Variants in DOCK10 observed in about 807,000 individuals in gnomAD.
DOCK10 encodes the protein dedicator of cytokinesis 10.
In DOCK10, 145 loss-of-function variants were observed where a neutral mutation model predicts 280.1. The observed-to-expected ratio is 0.52, with a 90% CI of 0.45 to 0.59. The LOEUF (loss-of-function observed/expected upper bound fraction) is 0.59. DOCK10 is among the 20% of genes least tolerant of loss of function. The probability of loss-of-function intolerance (pLI) is 0.00; values close to 1 mark genes in which losing one functional copy is unlikely to be tolerated. For synonymous variants in DOCK10, 915 were observed against 942.2 expected (o/e 0.97, Z 0.53); for missense variants, 2,368 against 2,651.7 (o/e 0.89, Z 2.35).
At chr2:224,913,608 A>G (rs930338946) in intron 3 of DOCK10, among the ~76,000 whole-genome samples, 1 of 152,212 alleles carries the variant, frequency 6.6e-6, no homozygotes, top group Non-Finnish European at 1.5e-5. Flanking sequence ...TTTGTCATAT[A>G]CAAATTTTAA....
At chr2:224,840,218 AC>A (rs1170814400) in intron 23 of DOCK10, 146 bp from the exon 24 acceptor site, 14 of 523,482 alleles carry the variant, frequency 2.7e-5, no homozygotes, top group Non-Finnish European at 3.4e-5. Context: ...TTTGGATATG[AC>A]CCTCAAAGCT....
chr2:224,902,899 C>T lies in DOCK10; in HGVS notation c.334-6522G>A, dbSNP rs979258937. On this transcript the variant is annotated intron_variant, in intron 3 of 55. Transcript: ENST00000258390. ...ATGAGGTCAGGAGACCGAGACCATCCTGGCTAACACAGTGAAACCCCGTCT... is the reference window on the plus strand; with the variant it reads ...ATGAGGTCAGGAGACCGAGACCATCTTGGCTAACACAGTGAAACCCCGTCT... 1.8e-4 allele frequency among the ~76,000 whole-genome samples: 28 copies of T among 152,136 alleles called. No individual in the cohort carries two copies. The East Asian group carries it at 4.3e-3, about 23-fold the overall frequency.
chr2:224,928,537 G>C (rs959307218), intron 2 of DOCK10, among the ~76,000 whole-genome samples: 2 of 152,280 alleles, frequency 1.3e-5, no homozygotes, highest in South Asian at 2.1e-4. Flanking sequence ...GTCACCCATG[G>C]GCGACAGTTT....
intron 27 of DOCK10, 96 bp downstream of exon 27, chr2:224,830,445 G>T: frequency 1.5e-6 from 1 of 657,560 alleles, no homozygotes; most frequent in South Asian, 4.3e-5. Flanking sequence ...GGTTTATAAA[G>T]CAAATAAAAA....
chr2:224,876,680 CTTG>C lies in DOCK10; in HGVS notation c.748-462_748-460del, dbSNP rs1432292947. Among the ~76,000 whole-genome samples, 7 of 152,264 alleles carry C rather than the reference CTTG, an allele frequency of 4.6e-5. No individual in the cohort carries two copies. In the East Asian group the frequency reaches 1.4e-3, roughly 29 times the overall value. On this transcript the variant is annotated intron_variant, in intron 7 of 55. Transcript: ENST00000258390. ...GGACTATTTCTTTCTTCGTATCTTCCTTGTCCTTGCAGCAGAATTAACACAATG... is the reference window on the plus strand; with the variant it reads ...GGACTATTTCTTTCTTCGTATCTTCCTCCTTGCAGCAGAATTAACACAATG...
At chr2:224,766,165 T>G (rs1690068669) in intron 55 of DOCK10, among the ~76,000 whole-genome samples, 2 of 152,142 alleles carry the variant, frequency 1.3e-5, no homozygotes, top group Admixed American at 6.5e-5. Flanking sequence ...ATTGTCAGCA[T>G]CTGCCAAAAA....
chr2:225,040,915 G>A (rs561730197), intron 1 of DOCK10, among the ~76,000 whole-genome samples: 54 of 152,294 alleles, frequency 3.5e-4, no homozygotes, highest in African/African-American at 1.1e-3. Flanking sequence ...GCTGATAGCA[G>A]TACCACATGC....
intron 11 of DOCK10, among the ~76,000 whole-genome samples, chr2:224,866,646 T>C (rs1197455613): frequency 1.3e-5 from 2 of 152,204 alleles, no homozygotes; most frequent in Non-Finnish European, 2.9e-5. Flanking sequence ...CATCATTCTT[T>C]CTACACGTAT....
intron 3 of DOCK10, 43 bp from the exon 4 acceptor site, chr2:224,896,420 A>C (rs1389130733): frequency 7.5e-7 from 1 of 1,326,858 alleles, no homozygotes; most frequent in Non-Finnish European, 1.0e-6. Flanking sequence ...AAAAATTATC[A>C]TTAAAAGGCT....
rs372746791 is a variant in DOCK10 at position 224,797,914 on chromosome 2, G to A, written c.4562C>T (p.Thr1521Ile). 2 of 1,613,688 alleles carry A rather than the reference G, an allele frequency of 1.2e-6. No homozygotes were observed. Among genetic ancestry groups the A allele is most frequent in the Non-Finnish European group, 1.7e-6 (2 of 1,179,772 alleles). The change falls in exon 42 of 56, where the codon ACC becomes ATC. Residue 1521 changes from threonine to isoleucine, a missense_variant. By Grantham distance (89) the Thr-to-Ile change is moderately conservative. Coordinates refer to ENST00000258390, the MANE Select transcript of DOCK10 (RefSeq NM_014689.3). ...ATTGACTTGGAAAAAGAGCATGTAGGTATCAAAGACCCTTTTCATCAATGA... is the reference window on the plus strand; with the variant it reads ...ATTGACTTGGAAAAAGAGCATGTAGATATCAAAGACCCTTTTCATCAATGA... ...QNSLMKRVFD[T>I]YMLFFQVNQS...
intron 1 of DOCK10, among the ~76,000 whole-genome samples, chr2:224,978,102 G>A (rs922158739): frequency 6.6e-6 from 1 of 152,098 alleles, no homozygotes; most frequent in African/African-American, 2.4e-5. Flanking sequence ...ATTTAGCTTC[G>A]ATGTAAAAGG....
chr2:224,823,350 G>A (rs1276705219), intron 28 of DOCK10, 151 bp downstream of exon 28: 3 of 616,426 alleles, frequency 4.9e-6, no homozygotes, highest in Non-Finnish European at 7.5e-6. Flanking sequence ...AGTATTTCAA[G>A]CAATAAAGAT....
At position 224,982,243 on chromosome 2, in the gene DOCK10, G is replaced by A. The variant is rs571769387; in HGVS notation, c.124-50575C>T. On this transcript the variant is annotated intron_variant, in intron 1 of 55. Transcript: ENST00000258390. The stretch of plus-strand genomic sequence containing the variant: ...GGGTTCTGGGTCTATTCATTTCATC[G>A]TCACTTTCCAGAGGCAAAATTTCGT... The A allele has an allele frequency of 1.7e-5, 21 of 1,231,862 alleles. No individual in the cohort carries two copies. In the South Asian group the frequency reaches 7.8e-4, roughly 46 times the overall value. The allele number at this position is 1,231,862 out of a possible 1,614,324, so 76.3% of individuals were successfully genotyped here.
chr2:224,925,802 A>G (rs1253927324), intron 2 of DOCK10, among the ~76,000 whole-genome samples: 1 of 152,222 alleles, frequency 6.6e-6, no homozygotes, highest in Non-Finnish European at 1.5e-5. Context: ...TCTTTTGCTC[A>G]GGAAGAAACT....
chr2:224,775,881 G>A (rs1690819866), intron 51 of DOCK10, among the ~76,000 whole-genome samples: 1 of 152,214 alleles, frequency 6.6e-6, no homozygotes, highest in Non-Finnish European at 1.5e-5. Context: ...CACTGGCTTT[G>A]GGCTTGTGCC....
At position 224,917,101 on chromosome 2, in the gene DOCK10, C is replaced by CTTTTTTTTTTTTTTT. The variant is rs58223345; in HGVS notation, c.244-332_244-318dup. Among the ~76,000 whole-genome samples the CTTTTTTTTTTTTTTT allele has an allele frequency of 1.2e-3, 115 of 95,768 alleles. 16 individuals are homozygous for CTTTTTTTTTTTTTTT. The highest frequency in any genetic ancestry group is 1.6e-3 in the South Asian group (4 of 2,444). 62.8% of individuals were successfully genotyped at this position (95,768 alleles called of 152,430 possible). On this transcript the variant is annotated intron_variant, in intron 2 of 55. Coordinates refer to ENST00000258390, the MANE Select transcript of DOCK10 (RefSeq NM_014689.3). ...CAATTTAGCTGATTTCTATTGGAATCTTTTTTTTTTTTTTTTTTTTTTGAG... is the reference window on the plus strand; with the variant it reads ...CAATTTAGCTGATTTCTATTGGAATCTTTTTTTTTTTTTTTTTTTTTTTTTTTTTTTTTTTTTGAG...
chr2:224,798,634 C>CTT lies in DOCK10; in HGVS notation c.4507-667_4507-666dup, dbSNP rs202006772. On this transcript the variant is annotated intron_variant, in intron 41 of 55. Coordinates refer to ENST00000258390, the MANE Select transcript of DOCK10 (RefSeq NM_014689.3). Reference sequence around the variant, plus strand: ...AGAATCCAAGTTTTCCTGGCTCAATCTTTTTTTTTTTTTTTGAGACAAGGT... The same window carrying CTT: ...AGAATCCAAGTTTTCCTGGCTCAATCTTTTTTTTTTTTTTTTTGAGACAAGGT... Among the ~76,000 whole-genome samples, 260 of 142,402 alleles carry CTT rather than the reference C, an allele frequency of 1.8e-3. 1 individual carries two copies. Among genetic ancestry groups the CTT allele is most frequent in the African/African-American group, 5.2e-3 (200 of 38,694 alleles). The allele number at this position is 142,402 out of a possible 152,430, so 93.4% of individuals were successfully genotyped here. A position where few individuals can be genotyped will look rare whatever the true frequency, so the allele number is the denominator to read the frequency against.
intron 14 of DOCK10, chr2:224,862,030 C>G (rs1465214079): frequency 6.6e-6 from 1 of 152,254 alleles, no homozygotes; most frequent in African/African-American, 2.4e-5. Flanking sequence ...TGAGGACAAT[C>G]ATAATTGATG....
intron 27 of DOCK10, among the ~76,000 whole-genome samples, chr2:224,824,429 CTTTTTTTTT>C (rs869275800): frequency 5.1e-3 from 325 of 63,608 alleles, no homozygotes; most frequent in African/African-American, 0.02. Flanking sequence ...TCAGACTCTG[CTTTTTTTTT>C]TTTTTTTTTT....
Sources: gnomAD v4.1 joint callset for allele counts (sites outside exome capture counted in the v4.1 genomes callset) on GRCh38, gnomAD v4.1.1 for gene constraint, MANE v1.5 for transcripts, NCBI Gene and HGNC (gene_info 2026-07-23, HGNC 2026-07-21) for gene names.